Variants in ZFP91 observed in about 807,000 individuals in gnomAD.
The protein encoded by ZFP91 is E3 ubiquitin-protein ligase ZFP91.
In ZFP91, 7 loss-of-function variants were observed where a neutral mutation model predicts 63.5. That is an observed-to-expected ratio of 0.11 (90% CI 0.06 to 0.21). ZFP91 has a LOEUF of 0.21. Among genes scored for constraint, ZFP91 ranks in the 10% least tolerant of loss-of-function variants. The pLI, the probability that ZFP91 is intolerant of heterozygous loss-of-function variation, is 1.00. For synonymous variants in ZFP91, 330 were observed against 272.1 expected, an observed-to-expected ratio of 1.21 and a Z score of -2.10; for missense variants, 628 against 736.6, an observed-to-expected ratio of 0.85 and a Z score of 1.71.
chr11:58,598,670 T>A (rs1258941520), intron 2 of ZFP91, among the ~76,000 whole-genome samples: 1 of 151,968 alleles, frequency 6.6e-6, no homozygotes, highest in African/African-American at 2.4e-5. Flanking sequence ...CCTATCTGTT[T>A]ATGATTGTTT....
Position 58,579,583 on chromosome 11 carries a change from C to T in ZFP91, c.302C>T (p.Ser101Phe), listed in dbSNP as rs199816199. The change falls in exon 1 of 11, where the codon TCC becomes TTC. Residue 101 changes from serine to phenylalanine, a missense_variant. Physicochemically the swap from Ser to Phe is radical, Grantham distance 155. This residue lies in a region of ZFP91 where 437 missense variants were observed against 380.3 expected (regional missense o/e 1.15). Transcript: ENST00000316059. Reference protein sequence around the residue: ...VPGQQPQAAKSPSPVQGKKSP... With the variant: ...VPGQQPQAAKFPSPVQGKKSP... ...GGGCAGCAGCCCCAGGCCGCGAAGT[C>T]CCCGTCTCCAGTTCAGGGCAAGAAG... is the stretch of plus-strand genomic sequence containing the variant. 2.7e-5 allele frequency: 43 copies of T among 1,582,646 alleles called. No homozygotes were observed. The highest frequency in any genetic ancestry group is 1.7e-4 in the Middle Eastern group (1 of 5,922).
intron 1 of ZFP91, among the ~76,000 whole-genome samples, chr11:58,584,443 C>G (rs1166787785): frequency 6.6e-6 from 1 of 152,052 alleles, no homozygotes; most frequent in South Asian, 2.1e-4. Context: ...ATCATTTCAT[C>G]TCTAGTTAGT....
intron 2 of ZFP91, among the ~76,000 whole-genome samples, chr11:58,604,734 C>CT (rs1291967649): frequency 1.3e-5 from 2 of 152,074 alleles, no homozygotes; most frequent in Non-Finnish European, 2.9e-5. Flanking sequence ...ATTATGAGTT[C>CT]TTTTTTAAAT....
chr11:58,595,613 T>C (rs1024960529), intron 2 of ZFP91, among the ~76,000 whole-genome samples: 1 of 151,598 alleles, frequency 6.6e-6, no homozygotes, highest in African/African-American at 2.4e-5. Context: ...GGTCGTACTT[T>C]GTTGCCCAGG....
chr11:58,583,641 T>G (rs540139252), intron 1 of ZFP91, among the ~76,000 whole-genome samples: 4 of 152,100 alleles, frequency 2.6e-5, no homozygotes, highest in Admixed American at 2.0e-4. Flanking sequence ...TGTTATATAA[T>G]TTTTCAAAAA....
chr11:58,610,690 T>C (rs1378163869), intron 4 of ZFP91, among the ~76,000 whole-genome samples: 1 of 152,220 alleles, frequency 6.6e-6, no homozygotes, highest in Non-Finnish European at 1.5e-5. Flanking sequence ...CCAGACAGTA[T>C]TACAAAGTCA....
intron 2 of ZFP91, among the ~76,000 whole-genome samples, chr11:58,591,584 T>C (rs1010622299): frequency 1.3e-5 from 2 of 152,220 alleles, no homozygotes; most frequent in South Asian, 4.1e-4. Flanking sequence ...CATGCCTGTT[T>C]ATAGTTAATC....
chr11:58,617,540 C>G lies in ZFP91; in HGVS notation c.1547C>G (p.Ser516Ter), dbSNP rs755133566. The G allele has an allele frequency of 6.2e-7, 1 of 1,613,966 alleles. No individual in the cohort carries two copies. The highest frequency in any genetic ancestry group is 2.2e-5 in the East Asian group (1 of 44,870). ...ECLLLEAEGM[S>*]KSYCSGTERV... ...CTACTGTTAGAAGCTGAAGGGATGT[C>G]AAAGTCATACTGCAGTGGGACGGAA... Residue 516 changes from serine to a stop codon, truncating the protein, a stop_gained, in exon 11 of 11, where the codon TCA becomes TGA. Coordinates refer to ENST00000316059, the MANE Select transcript of ZFP91 (RefSeq NM_053023.5). LOFTEE classifies it high-confidence loss of function. The surrounding 1 kb of genome is among the most constrained non-coding windows in gnomAD (Gnocchi z 4.2).
At chr11:58,586,907 GTTATA>G (rs755467950) in intron 2 of ZFP91, among the ~76,000 whole-genome samples, 22 of 152,186 alleles carry the variant, frequency 1.4e-4, no homozygotes, top group Non-Finnish European at 2.6e-4. Context: ...CTGGCCTTCT[GTTATA>G]TTAATGCTGA....
chr11:58,610,325 G>T lies in ZFP91; in HGVS notation c.608G>T (p.Gly203Val). The change falls in exon 4 of 11, where the codon GGT (glycine) becomes GTT (valine). Residue 203 changes from glycine (G) to valine (V), a missense_variant. Gly to Val is a moderately radical substitution (Grantham distance 109). Coordinates refer to ENST00000316059, the MANE Select transcript of ZFP91 (RefSeq NM_053023.5). ...YDVGEEHQSP[G>V]GISSEEEEEE... ...GTTGGAGAAGAGCATCAGTCTCCAG[G>T]TGGCATTAGGTAAAAAAAACATTAA... is the stretch of plus-strand genomic sequence containing the variant. 6.3e-7 allele frequency: 1 copy of T among 1,591,158 alleles called. No individual in the cohort carries two copies.
intron 2 of ZFP91, among the ~76,000 whole-genome samples, chr11:58,604,162 C>T (rs528854856): frequency 6.6e-6 from 1 of 152,234 alleles, no homozygotes; most frequent in Non-Finnish European, 1.5e-5. Context: ...GCCCTTAATA[C>T]CTGTAAATAT....
Position 58,579,594 on chromosome 11 carries a change from G to C in ZFP91, c.313G>C (p.Val105Leu), listed in dbSNP as rs780438256. 5 of 1,579,112 alleles carry C rather than the reference G, an allele frequency of 3.2e-6. No individual in the cohort carries two copies. Among genetic ancestry groups the C allele is most frequent in the South Asian group, 1.1e-5 (1 of 88,422 alleles). Residue 105 changes from valine to leucine, a missense_variant, in exon 1 of 11, where the codon GTT becomes CTT. This residue lies in a region of ZFP91 where 437 missense variants were observed against 380.3 expected (regional missense o/e 1.15). Coordinates refer to ENST00000316059, the MANE Select transcript of ZFP91 (RefSeq NM_053023.5). The part of the protein sequence containing the change: ...QPQAAKSPSP[V>L]QGKKSPRLLC... ...CCAGGCCGCGAAGTCCCCGTCTCCA[G>C]TTCAGGGCAAGAAGAGTCCGCGACT...
In ZFP91 at chr11:58,588,099, C is replaced by T. The variant is rs186086092; in HGVS notation, c.370+3215C>T. On this transcript the variant is annotated intron_variant, in intron 2 of 10. Coordinates refer to ENST00000316059, the MANE Select transcript of ZFP91 (RefSeq NM_053023.5). ...AAGACCCCCTTTTTAAAGAGCATTT[C>T]GTAAAACTGGAGTTTACAGAAAACA... Among the ~76,000 whole-genome samples the T allele has an allele frequency of 3.8e-4, 58 of 152,182 alleles. No individual in the cohort carries two copies. In the East Asian group the frequency reaches 0.01, roughly 26 times the overall value.
chr11:58,579,666 C>T, intron 1 of ZFP91, 44 bp downstream of exon 1: 1 of 1,475,706 alleles, frequency 6.8e-7, no homozygotes, highest in Middle Eastern at 2.1e-4. Context: ...CCCCCTCTGT[C>T]CGTACGCAAC....
At chr11:58,605,535 C>T (rs952297581) in intron 2 of ZFP91, among the ~76,000 whole-genome samples, 7 of 151,606 alleles carry the variant, frequency 4.6e-5, no homozygotes, top group South Asian at 2.1e-4. Flanking sequence ...AGAATAGTTT[C>T]GGCAGCTATA....
chr11:58,610,982 T>C lies in ZFP91; in HGVS notation c.650T>C (p.Met217Thr), dbSNP rs111240529. 1 of 1,612,934 alleles carries C rather than the reference T, an allele frequency of 6.2e-7. No individual in the cohort carries two copies. ...GAGGAAGAGGAGGAGGAAGAAGAGATGTTAATCAGTGAAGAGGAGATACCA... is the reference window on the plus strand; with the variant it reads ...GAGGAAGAGGAGGAGGAAGAAGAGACGTTAATCAGTGAAGAGGAGATACCA... ...SEEEEEEEEE[M>T]LISEEEIPFK... The change falls in exon 5 of 11, where the codon ATG (methionine) becomes ACG (threonine). Residue 217 changes from methionine (M) to threonine (T), a missense_variant. Around this residue, in one of 3 missense-constraint regions of ZFP91, gnomAD observed 437 missense variants for 380.3 expected, o/e 1.15. Coordinates refer to ENST00000316059, the MANE Select transcript of ZFP91 (RefSeq NM_053023.5).
At chr11:58,579,735 G>A in intron 1 of ZFP91, 113 bp downstream of exon 1, 1 of 1,021,144 alleles carries the variant, frequency 9.8e-7, no homozygotes, top group Non-Finnish European at 1.3e-6. Context: ...GCCCCCTGCC[G>A]GCTCCGCACG....
At chr11:58,609,066 C>T (rs1855614419) in intron 2 of ZFP91, among the ~76,000 whole-genome samples, 1 of 152,056 alleles carries the variant, frequency 6.6e-6, no homozygotes, top group African/African-American at 2.4e-5. Context: ...TTAAAATGGG[C>T]TCAATTCTAA....
intron 2 of ZFP91, among the ~76,000 whole-genome samples, chr11:58,592,769 C>G (rs1279619926): frequency 1.3e-5 from 2 of 152,086 alleles, no homozygotes; most frequent in Non-Finnish European, 2.9e-5. Context: ...GTATTAGTCC[C>G]TTTTGAGTTG....
Sources: gnomAD v4.1 joint callset for allele counts (sites outside exome capture counted in the v4.1 genomes callset) on GRCh38, gnomAD v4.1.1 for gene constraint, gnomAD v4.1.1 regional missense constraint, Gnocchi (gnomAD v3.1) non-coding constraint, MANE v1.5 for transcripts, NCBI Gene and HGNC (gene_info 2026-07-23, HGNC 2026-07-21) for gene names.